SH3RF1: variants seen among roughly 807,000 people sequenced by gnomAD.
SH3RF1 encodes SH3 domain containing ring finger 1.
In SH3RF1, 32 loss-of-function variants were observed where a neutral mutation model predicts 74.0. The observed-to-expected ratio is 0.43, with a 90% CI of 0.33 to 0.58. The LOEUF is 0.58. SH3RF1 is among the 20% of genes least tolerant of loss of function. The probability of loss-of-function intolerance (pLI) is 0.05; values close to 1 mark genes in which losing one functional copy is unlikely to be tolerated. For synonymous variants in SH3RF1, 396 were observed against 439.6 expected, an observed-to-expected ratio of 0.90 and a Z score of 1.24; for missense variants, 954 against 1,130.9, an observed-to-expected ratio of 0.84 and a Z score of 2.24.
chr4:169,166,540 T>A (rs1276666012), intron 2 of SH3RF1: 1 of 197,522 alleles, frequency 5.1e-6, no homozygotes, highest in East Asian at 1.2e-4. Flanking sequence ...TTCTTGCAAC[T>A]GTTACAAAAC....
chr4:169,248,916 T>G lies in SH3RF1; in HGVS notation c.393+19904A>C, dbSNP rs1579162020. 2.0e-5 allele frequency among the ~76,000 whole-genome samples: 3 copies of G among 152,256 alleles called. No individual in the cohort carries two copies. In the South Asian group the frequency reaches 6.2e-4, roughly 32 times the overall value. On this transcript the variant is annotated intron_variant, in intron 2 of 11. Coordinates refer to ENST00000284637, the MANE Select transcript of SH3RF1 (RefSeq NM_020870.4). ...TCAGGTGTTGCCAATGTGATGGTAT[T>G]AAGAAGTAGGGCCTTTAAGAGGCAA...
chr4:169,184,715 G>C (rs187897380), intron 2 of SH3RF1, among the ~76,000 whole-genome samples: 53 of 152,158 alleles, frequency 3.5e-4, no homozygotes, highest in Non-Finnish European at 6.2e-4. Flanking sequence ...TTTTGTTTTG[G>C]GGTATTTATT....
At chr4:169,254,106 G>A (rs1374002140) in intron 2 of SH3RF1, among the ~76,000 whole-genome samples, 3 of 152,214 alleles carry the variant, frequency 2.0e-5, no homozygotes, top group Non-Finnish European at 4.4e-5. Context: ...GAAGATGAAT[G>A]TGAATAAGCT....
chr4:169,219,466 T>C (rs1291467677), intron 2 of SH3RF1, among the ~76,000 whole-genome samples: 1 of 152,156 alleles, frequency 6.6e-6, no homozygotes, highest in Non-Finnish European at 1.5e-5. Flanking sequence ...TTTTCAGGTT[T>C]TTCCTCCTAA....
intron 2 of SH3RF1, among the ~76,000 whole-genome samples, chr4:169,214,421 T>C (rs1018396498): frequency 2.6e-5 from 4 of 152,206 alleles, no homozygotes; most frequent in Non-Finnish European, 5.9e-5. Context: ...CAGCCTCAGA[T>C]ATTCCTTTAT....
intron 2 of SH3RF1, among the ~76,000 whole-genome samples, chr4:169,219,832 CAT>C (rs994971609): frequency 6.6e-6 from 1 of 152,202 alleles, no homozygotes; most frequent in Non-Finnish European, 1.5e-5. Context: ...CAATTATTTA[CAT>C]GTCGCCCTGT....
intron 2 of SH3RF1, among the ~76,000 whole-genome samples, chr4:169,209,472 G>A (rs949088120): frequency 1.7e-4 from 26 of 151,964 alleles, no homozygotes; most frequent in Admixed American, 1.1e-3. Context: ...ACCTATCCTC[G>A]TGGGCTGTAA....
intron 2 of SH3RF1, among the ~76,000 whole-genome samples, chr4:169,164,546 G>A (rs67620067): frequency 0.055 from 8,432 of 152,238 alleles, 326 homozygotes; most frequent in African/African-American, 0.12. Flanking sequence ...GGGAGGTACA[G>A]AAATACTGAA....
At chr4:169,251,768 A>G (rs1731109374) in intron 2 of SH3RF1, among the ~76,000 whole-genome samples, 1 of 152,156 alleles carries the variant, frequency 6.6e-6, no homozygotes, top group Non-Finnish European at 1.5e-5. Flanking sequence ...TCGTAAGGAA[A>G]CCCAATCTGT....
At chr4:169,226,644 T>C (rs1486813786) in intron 2 of SH3RF1, among the ~76,000 whole-genome samples, 1 of 152,216 alleles carries the variant, frequency 6.6e-6, no homozygotes, top group Non-Finnish European at 1.5e-5. Flanking sequence ...TTTAGGTCAG[T>C]AGCTTTTTTA....
chr4:169,224,291 T>C (rs1730619099), intron 2 of SH3RF1, among the ~76,000 whole-genome samples: 1 of 151,840 alleles, frequency 6.6e-6, no homozygotes, highest in Non-Finnish European at 1.5e-5. Context: ...GCATATTGCC[T>C]ATTTCTAGAA....
At chr4:169,174,309 C>T (rs374311537) in intron 2 of SH3RF1, among the ~76,000 whole-genome samples, 1 of 149,114 alleles carries the variant, frequency 6.7e-6, no homozygotes, top group African/African-American at 2.4e-5. Context: ...GCAATCCTCC[C>T]GCCTCAGCCT....
chr4:169,190,926 G>C (rs1734694266), intron 2 of SH3RF1, among the ~76,000 whole-genome samples: 1 of 151,846 alleles, frequency 6.6e-6, no homozygotes, highest in South Asian at 2.1e-4. Flanking sequence ...ACACACACAA[G>C]TCAATAAATG....
chr4:169,203,121 C>T (rs748155943), intron 2 of SH3RF1, among the ~76,000 whole-genome samples: 3 of 152,196 alleles, frequency 2.0e-5, no homozygotes, highest in Admixed American at 6.5e-5. Context: ...TTTGACCAAA[C>T]GTCTCACAGA....
intron 5 of SH3RF1, among the ~76,000 whole-genome samples, chr4:169,135,099 C>A (rs1733680391): frequency 1.3e-5 from 2 of 152,056 alleles, no homozygotes; most frequent in African/African-American, 4.8e-5. Flanking sequence ...CTTTGGGAGG[C>A]CCAGGTAGGA....
chr4:169,182,507 T>TA (rs1561046526), intron 2 of SH3RF1, among the ~76,000 whole-genome samples: 1 of 152,250 alleles, frequency 6.6e-6, no homozygotes, highest in African/African-American at 2.4e-5. Context: ...TTTGAGGGTA[T>TA]AGAAACTAAG....
At chr4:169,158,560 T>C (rs747466121) in intron 2 of SH3RF1, among the ~76,000 whole-genome samples, 1 of 152,204 alleles carries the variant, frequency 6.6e-6, no homozygotes, top group Non-Finnish European at 1.5e-5. Context: ...CAAACAGACT[T>C]AGGTCCTATG....
At chr4:169,210,850 C>T (rs1292602745) in intron 2 of SH3RF1, among the ~76,000 whole-genome samples, 1 of 152,214 alleles carries the variant, frequency 6.6e-6, no homozygotes, top group Non-Finnish European at 1.5e-5. Flanking sequence ...TCTCTGTCCA[C>T]AAACCTTCAA....
At chr4:169,118,970 T>C in intron 8 of SH3RF1, among the ~76,000 whole-genome samples, 1 of 152,222 alleles carries the variant, frequency 6.6e-6, no homozygotes, top group East Asian at 1.9e-4. Context: ...TCCAAATTCA[T>C]TTAAATGATA....
Sources: allele counts gnomAD v4.1 joint callset (sites outside exome capture counted in the v4.1 genomes callset), GRCh38; gene constraint gnomAD v4.1.1; transcripts MANE v1.5; gene names NCBI Gene and HGNC (gene_info 2026-07-23, HGNC 2026-07-21).